DOCK4: variants seen among roughly 807,000 people sequenced by gnomAD.
The protein encoded by DOCK4 is dedicator of cytokinesis 4.
DOCK4 carries 97 observed loss-of-function variants against 268.1 expected under a neutral mutation model. The observed-to-expected ratio is 0.36, with a 90% CI of 0.31 to 0.43. The LOEUF (loss-of-function observed/expected upper bound fraction) is 0.43, where lower values mean the gene tolerates loss of function less well. Ranked by LOEUF, DOCK4 falls within the 20% of genes least tolerant of loss-of-function variation. DOCK4 has a pLI of 1.00. For missense variants in DOCK4, 2,145 were observed against 2,455.7 expected, an observed-to-expected ratio of 0.87 and a Z score of 2.67; for synonymous variants, 954 against 887.2, an observed-to-expected ratio of 1.08 and a Z score of -1.34.
At chr7:111,766,796 T>C (rs1231565712) in intron 38 of DOCK4, among the ~76,000 whole-genome samples, 4 of 152,250 alleles carry the variant, frequency 2.6e-5, no homozygotes, top group Admixed American at 6.5e-5. Flanking sequence ...CTGGATTAGA[T>C]TGTATATTTC....
In DOCK4 at chr7:111,989,006, A is replaced by T. The variant is rs1424773850; in HGVS notation, c.464+9T>A. On this transcript the variant is annotated intron_variant, in intron 6 of 52. Coordinates refer to ENST00000428084, the MANE Select transcript of DOCK4 (RefSeq NM_001363540.2). ...TACTAGAGGCCGCCCTGTGATGCTC[A>T]ATACTCACTCATTGCCCCAGTCAAG... is the stretch of plus-strand genomic sequence containing the variant. 3 of 1,605,594 alleles carry T rather than the reference A, an allele frequency of 1.9e-6. No individual in the cohort carries two copies. In the African/African-American group the frequency reaches 4.0e-5, roughly 21 times the overall value.
At chr7:112,005,288 T>C (rs1358159097) in intron 1 of DOCK4, among the ~76,000 whole-genome samples, 1 of 152,218 alleles carries the variant, frequency 6.6e-6, no homozygotes, top group Admixed American at 6.5e-5. Flanking sequence ...AATGAAAACA[T>C]GCCAATAAGT....
intron 7 of DOCK4, among the ~76,000 whole-genome samples, chr7:111,983,469 A>C (rs968723882): frequency 6.6e-6 from 1 of 152,148 alleles, no homozygotes; most frequent in Admixed American, 6.5e-5. Context: ...ATGGTCTTTG[A>C]AAGCCCATCC....
intron 1 of DOCK4, among the ~76,000 whole-genome samples, chr7:112,136,882 A>G (rs890999753): frequency 1.3e-5 from 2 of 152,204 alleles, no homozygotes; most frequent in Non-Finnish European, 2.9e-5. Flanking sequence ...TATTTATGAT[A>G]TCTCATTTAT....
intron 16 of DOCK4, among the ~76,000 whole-genome samples, chr7:111,882,495 ATTAACT>A (rs2134296016): frequency 6.6e-6 from 1 of 152,370 alleles, no homozygotes; most frequent in South Asian, 2.1e-4. Flanking sequence ...AAAAACCTGT[ATTAACT>A]TTATTCTTTC....
chr7:112,074,781 GC>G (rs1807913793), intron 1 of DOCK4, among the ~76,000 whole-genome samples: 1 of 152,138 alleles, frequency 6.6e-6, no homozygotes, highest in South Asian at 2.1e-4. Context: ...CAGCTGGCTG[GC>G]CAACCCTCCT....
At chr7:112,180,635 A>C (rs979949439) in intron 1 of DOCK4, among the ~76,000 whole-genome samples, 1 of 152,174 alleles carries the variant, frequency 6.6e-6, no homozygotes, top group South Asian at 2.1e-4. Context: ...TGACGACAGC[A>C]TGAGCTCCCT....
In DOCK4 at chr7:111,816,947, G is replaced by A. The variant is rs541002189; in HGVS notation, c.2931-4998C>T. Among the ~76,000 whole-genome samples the A allele has an allele frequency of 3.3e-5, 5 of 152,318 alleles. No homozygotes were observed. The South Asian group carries it at 8.3e-4, about 25-fold the overall frequency. On this transcript the variant is annotated intron_variant, in intron 27 of 52. Transcript: ENST00000428084. ...ATTTTGCTTTCAGTCAATGGGGCAC[G>A]CAGTGTGGATGAAGCAAAAAGAATG...
chr7:111,938,282 A>G (rs1002151841), intron 11 of DOCK4, among the ~76,000 whole-genome samples: 2 of 152,016 alleles, frequency 1.3e-5, no homozygotes, highest in African/African-American at 4.8e-5. Context: ...CATTGGATGG[A>G]GAGTAGAAAA....
chr7:111,835,411 A>G (rs908662383), intron 25 of DOCK4, among the ~76,000 whole-genome samples: 10 of 152,180 alleles, frequency 6.6e-5, no homozygotes, highest in African/African-American at 2.2e-4. Context: ...CTTGGGCTCT[A>G]TGTGATTTGT....
chr7:112,084,557 T>G (rs981102091), intron 1 of DOCK4, among the ~76,000 whole-genome samples: 2 of 152,142 alleles, frequency 1.3e-5, no homozygotes, highest in Non-Finnish European at 2.9e-5. Context: ...TTAATATACT[T>G]TCATCTGAGG....
intron 1 of DOCK4, among the ~76,000 whole-genome samples, chr7:112,130,428 C>T (rs972499731): frequency 1.3e-5 from 2 of 152,200 alleles, no homozygotes; most frequent in African/African-American, 4.8e-5. Context: ...CTCTTCCTCA[C>T]ATGAATGTCT....
chr7:111,911,196 G>GA (rs1232218280), intron 13 of DOCK4, among the ~76,000 whole-genome samples: 3 of 151,272 alleles, frequency 2.0e-5, no homozygotes, highest in Admixed American at 6.6e-5. Context: ...TCTAGACAAT[G>GA]AAAAAAAAAT....
At chr7:112,131,976 G>T (rs1207310319) in intron 1 of DOCK4, among the ~76,000 whole-genome samples, 2 of 152,170 alleles carry the variant, frequency 1.3e-5, no homozygotes, top group Non-Finnish European at 2.9e-5. Flanking sequence ...AGAAAAAAGG[G>T]ATCCCTTCAT....
At chr7:111,741,962 G>A in intron 45 of DOCK4, 51 bp downstream of exon 45, 1 of 1,512,840 alleles carries the variant, frequency 6.6e-7, no homozygotes, top group South Asian at 1.4e-5. Flanking sequence ...CCTTTAACAA[G>A]CAAACGGCAG....
chr7:111,783,780 T>C (rs1798960879), intron 34 of DOCK4, 77 bp downstream of exon 34: 1 of 1,272,210 alleles, frequency 7.9e-7, no homozygotes. Context: ...GAGTGGAACG[T>C]TGATTGTATT....
Position 111,871,989 on chromosome 7 carries a change from C to A in DOCK4, c.2027+1G>T. The A allele has an allele frequency of 1.3e-6, 2 of 1,548,688 alleles. No homozygotes were observed. The highest frequency in any genetic ancestry group is 1.7e-6 in the Non-Finnish European group (2 of 1,145,532). On this transcript the variant is annotated splice_donor_variant, in intron 20 of 52. Coordinates refer to ENST00000428084, the MANE Select transcript of DOCK4 (RefSeq NM_001363540.2). LOFTEE classifies it high-confidence loss of function. ...ACTAATTACAAGATACAGGGCCTTA[C>A]CTGTATGCAAGTGCCCCAGCAAAAT... is the stretch of plus-strand genomic sequence containing the variant.
intron 1 of DOCK4, among the ~76,000 whole-genome samples, chr7:112,122,276 G>T (rs1224464234): frequency 6.6e-6 from 1 of 152,024 alleles, no homozygotes; most frequent in Non-Finnish European, 1.5e-5. Context: ...GAGATCTCCA[G>T]AACATTTTCA....
chr7:111,776,715 A>G (rs6955382), intron 36 of DOCK4, among the ~76,000 whole-genome samples: 12,523 of 152,272 alleles, frequency 0.082, 1,224 homozygotes, highest in African/African-American at 0.23. Context: ...GTTAAACTAA[A>G]CAGGAAAACT....
Sources: gnomAD v4.1 joint callset for allele counts (sites outside exome capture counted in the v4.1 genomes callset) on GRCh38, gnomAD v4.1.1 for gene constraint, MANE v1.5 for transcripts, NCBI Gene and HGNC (gene_info 2026-07-23, HGNC 2026-07-21) for gene names.